The following DPH6 variants were observed in gnomAD, a reference collection of about 807,000 sequenced individuals.
DPH6 encodes diphthamine biosynthesis 6.
In DPH6, 33 loss-of-function variants were observed where a neutral mutation model predicts 38.2. The observed-to-expected ratio is 0.86, with a 90% CI of 0.65 to 1.15. The LOEUF (loss-of-function observed/expected upper bound fraction) is 1.15, where lower values mean the gene tolerates loss of function less well. Ranked by LOEUF, DPH6 falls within the 50% of genes most tolerant of loss-of-function variation. The pLI is 0.00. For synonymous variants in DPH6, 108 were observed against 103.0 expected (o/e 1.05, Z -0.30); for missense variants, 325 against 320.0 (o/e 1.02, Z -0.12).
chr15:35,235,418 G>A (rs1287587398), intron 3 of DPH6, among the ~76,000 whole-genome samples: 1 of 152,190 alleles, frequency 6.6e-6, no homozygotes, highest in Non-Finnish European at 1.5e-5. Flanking sequence ...GCTTAAGACA[G>A]TCTCCTCAAT....
At chr15:35,469,623 T>C (rs911655633) in intron 3 of DPH6, among the ~76,000 whole-genome samples, 1 of 152,132 alleles carries the variant, frequency 6.6e-6, no homozygotes, top group East Asian at 1.9e-4. Context: ...CACTGACTGA[T>C]AGGAAATGCA....
chr15:35,412,617 T>C (rs1271384324), intron 5 of DPH6, among the ~76,000 whole-genome samples: 1 of 151,688 alleles, frequency 6.6e-6, no homozygotes, highest in Non-Finnish European at 1.5e-5. Context: ...AAATTGTGTA[T>C]ATCCAGACAA....
intron 3 of DPH6, among the ~76,000 whole-genome samples, chr15:35,307,778 T>A (rs933790741): frequency 6.6e-6 from 1 of 152,172 alleles, no homozygotes; most frequent in African/African-American, 2.4e-5. Flanking sequence ...TATGCATATA[T>A]ACAAACACAC....
intron 3 of DPH6, chr15:35,519,221 A>C (rs2054887919): frequency 6.6e-6 from 1 of 151,984 alleles, no homozygotes; most frequent in Non-Finnish European, 1.5e-5. Context: ...AATGAATGAC[A>C]AACACTTTAG....
intron 6 of DPH6, among the ~76,000 whole-genome samples, chr15:35,383,283 A>C (rs1289884191): frequency 6.6e-6 from 1 of 152,226 alleles, no homozygotes; most frequent in Non-Finnish European, 1.5e-5. Flanking sequence ...ATGTTAAACC[A>C]AAATATTACC....
chr15:35,449,968 A>T (rs1180234798), intron 5 of DPH6, among the ~76,000 whole-genome samples: 1 of 152,034 alleles, frequency 6.6e-6, no homozygotes, highest in Non-Finnish European at 1.5e-5. Flanking sequence ...GGCTTTGGGA[A>T]CTCTCAGGTT....
At chr15:35,293,610 C>A (rs2051994100) in intron 3 of DPH6, among the ~76,000 whole-genome samples, 1 of 152,176 alleles carries the variant, frequency 6.6e-6, no homozygotes, top group Non-Finnish European at 1.5e-5. Context: ...TCATTGAATT[C>A]CTTTGTGACA....
chr15:35,342,849 C>G (rs2140880100), intron 3 of DPH6, among the ~76,000 whole-genome samples: 1 of 152,206 alleles, frequency 6.6e-6, no homozygotes, highest in Middle Eastern at 3.4e-3. Flanking sequence ...CATGGGTTAT[C>G]TTATTTTATT....
intron 3 of DPH6, among the ~76,000 whole-genome samples, chr15:35,459,648 T>C (rs747474725): frequency 1.1e-4 from 17 of 151,878 alleles, no homozygotes; most frequent in Non-Finnish European, 2.2e-4. Flanking sequence ...AAATAGGATA[T>C]AGGGTGAGAA....
Position 35,542,460 on chromosome 15 carries a change from C to A in DPH6, c.71G>T (p.Gly24Val). Residue 24 changes from glycine (G) to valine (V), a missense_variant, in exon 2 of 9, where the codon GGG (glycine) becomes GTG (valine). Gly to Val is a moderately radical substitution (Grantham distance 109). Transcript: ENST00000256538. ...CYNMMQCIAA[G>V]HQIVALANLR... ...ATTTGCTAAAGCAACGATCTGATGC[C>A]CAGCAGCAATGCACTGCATCATATT... 6.3e-7 allele frequency: 1 copy of A among 1,579,270 alleles called. No individual in the cohort carries two copies. The highest frequency in any genetic ancestry group is 8.7e-7 in the Non-Finnish European group (1 of 1,153,124).
At position 35,286,028 on chromosome 15, in the gene DPH6, G is replaced by T. The variant is rs149613837; in HGVS notation, n.201-65446C>A. 1.3e-3 allele frequency among the ~76,000 whole-genome samples: 190 copies of T among 151,986 alleles called. 1 individual carries two copies. Among genetic ancestry groups the T allele is most frequent in the African/African-American group, 4.5e-3 (186 of 41,458 alleles). On this transcript the variant is annotated intron_variant and non_coding_transcript_variant, in intron 3 of 3. Coordinates refer to the DPH6 transcript ENST00000560386. ...TGCTATTAATAATCTTTGAGGCAAT[G>T]AACTTATTAAAGACAAGCTAGTGAA...
intron 3 of DPH6, among the ~76,000 whole-genome samples, chr15:35,365,457 C>A (rs1434354131): frequency 6.6e-6 from 1 of 152,000 alleles, no homozygotes; most frequent in African/African-American, 2.4e-5. Flanking sequence ...TTACAAATCA[C>A]CAAACTGGAA....
intron 3 of DPH6, among the ~76,000 whole-genome samples, chr15:35,272,764 T>C (rs1393276949): frequency 1.3e-5 from 2 of 151,884 alleles, no homozygotes. Context: ...AAAAATTAGC[T>C]GAGCATGGTG....
chr15:35,207,084 T>C, the DPH6 span, among the ~76,000 whole-genome samples: 1 of 149,262 alleles, frequency 6.7e-6, no homozygotes, highest in Non-Finnish European at 1.5e-5. Context: ...TCTCACTTTG[T>C]TGCCCAGGCT....
intron 3 of DPH6, among the ~76,000 whole-genome samples, chr15:35,269,684 C>T (rs1053285168): frequency 9.3e-5 from 14 of 150,840 alleles, no homozygotes; most frequent in East Asian, 2.0e-4. Context: ...GTGATCCGCC[C>T]GCCTCGGCCT....
At chr15:35,221,771 C>T (rs2051444920) in intron 3 of DPH6, among the ~76,000 whole-genome samples, 1 of 152,166 alleles carries the variant, frequency 6.6e-6, no homozygotes, top group African/African-American at 2.4e-5. Flanking sequence ...CTTTATATGG[C>T]CAGGTGTCAA....
intron 3 of DPH6, among the ~76,000 whole-genome samples, chr15:35,224,561 G>A (rs758055690): frequency 1.3e-5 from 2 of 152,172 alleles, no homozygotes; most frequent in Non-Finnish European, 2.9e-5. Flanking sequence ...ATAAATGTAA[G>A]TTTCAACTTA....
intron 3 of DPH6, among the ~76,000 whole-genome samples, chr15:35,260,011 C>T (rs2051735558): frequency 1.3e-5 from 2 of 152,114 alleles, no homozygotes; most frequent in African/African-American, 2.4e-5. Flanking sequence ...CCAATTAACC[C>T]CAATAATCTT....
In DPH6 at chr15:35,371,464, T is replaced by C. The variant is rs2052712641; in HGVS notation, c.*686A>G. The C allele has an allele frequency of 2.0e-6, 1 of 509,344 alleles. No individual in the cohort carries two copies. Among genetic ancestry groups the C allele is most frequent in the Non-Finnish European group, 2.5e-6 (1 of 395,494 alleles). The allele number at this position is 509,344 out of a possible 1,614,324, so 31.6% of individuals were successfully genotyped here. A position where few individuals can be genotyped will look rare whatever the true frequency, so the allele number is the denominator to read the frequency against. On this transcript the variant is annotated 3_prime_UTR_variant, in exon 9 of 9. Coordinates refer to ENST00000256538, the MANE Select transcript of DPH6 (RefSeq NM_080650.4). ...TGTGAATGTGTGGAGGTAGAGGGTA[T>C]ATGGGAAATCTCTGCATTTTCTGCT...
Sources: allele counts gnomAD v4.1 joint callset (sites outside exome capture counted in the v4.1 genomes callset), GRCh38; gene constraint gnomAD v4.1.1; transcripts MANE v1.5; gene names NCBI Gene and HGNC (gene_info 2026-07-23, HGNC 2026-07-21).